Variants in NUMA1 observed in about 807,000 individuals in gnomAD.
NUMA1 encodes the protein nuclear mitotic apparatus protein 1.
A neutral mutation model predicts 237.1 loss-of-function variants in NUMA1; 62 were observed. The ratio of observed to expected loss-of-function variants is 0.26; its 90% CI spans 0.21 to 0.32. The LOEUF (loss-of-function observed/expected upper bound fraction) is 0.32, where lower values mean the gene tolerates loss of function less well. Ranked by LOEUF, NUMA1 falls within the 10% of genes least tolerant of loss-of-function variation. The pLI is 1.00. For missense variants in NUMA1, 2,533 were observed against 2,666.5 expected (o/e 0.95, Z 1.10); for synonymous variants, 1,028 against 1,066.1 (o/e 0.96, Z 0.70).
At chr11:72,043,359 T>G (rs1941811212) in intron 2 of NUMA1, among the ~76,000 whole-genome samples, 1 of 4,278 alleles carries the variant, frequency 2.3e-4, no homozygotes, top group African/African-American at 4.4e-4. Flanking sequence ...GCGGAGTTCT[T>G]TTTTTTTTTT....
chr11:72,046,169 A>C (rs59782279), intron 2 of NUMA1, among the ~76,000 whole-genome samples: 1 of 152,188 alleles, frequency 6.6e-6, no homozygotes, highest in Non-Finnish European at 1.5e-5. Context: ...CACAGCCTAG[A>C]CAGGCAGCAG....
chr11:72,036,945 A>G (rs1285725636), intron 2 of NUMA1, among the ~76,000 whole-genome samples: 1 of 152,170 alleles, frequency 6.6e-6, no homozygotes, highest in Admixed American at 6.5e-5. Context: ...ATTACTCTAG[A>G]AGGAGGAACA....
chr11:72,019,347 A>G (rs758079902), intron 9 of NUMA1, 147 bp downstream of exon 9: 6 of 1,064,712 alleles, frequency 5.6e-6, no homozygotes, highest in Non-Finnish European at 8.1e-6. Context: ...CCCCCAGTTA[A>G]TACTGGGTGA....
intron 2 of NUMA1, among the ~76,000 whole-genome samples, chr11:72,046,505 T>C (rs1006629834): frequency 6.6e-6 from 1 of 150,458 alleles, no homozygotes; most frequent in African/African-American, 2.5e-5. Context: ...GATCGTGCCA[T>C]TGCACTACAC....
chr11:72,061,490 T>C (rs7947060), intron 2 of NUMA1, among the ~76,000 whole-genome samples: 6 of 3,900 alleles, frequency 1.5e-3, no homozygotes, highest in East Asian at 4.5e-3. Context: ...CTTTTCTTTT[T>C]TTTTTTTTTT....
chr11:72,024,418 T>C, intron 4 of NUMA1, 65 bp from the exon 5 acceptor site: 1 of 1,335,880 alleles, frequency 7.5e-7, no homozygotes, highest in East Asian at 2.3e-5. Context: ...CTGCTGCATT[T>C]CATAGTACCT....
chr11:72,024,540 G>A (rs1939312001), intron 4 of NUMA1, 187 bp from the exon 5 acceptor site: 1 of 590,564 alleles, frequency 1.7e-6, no homozygotes, highest in African/African-American at 1.9e-5. Flanking sequence ...ACTGTGTGGT[G>A]GGTGGGAAGA....
chr11:72,022,963 A>G (rs550058286), intron 6 of NUMA1, 102 bp downstream of exon 6: 3 of 779,720 alleles, frequency 3.8e-6, no homozygotes, highest in Non-Finnish European at 6.6e-6. Flanking sequence ...GAAATAAAGC[A>G]CCCATCATCT....
chr11:72,003,076 C>T lies in NUMA1; in HGVS notation c.*451G>A, dbSNP rs1264106024. 1.7e-5 allele frequency: 4 copies of T among 240,934 alleles called. No homozygotes were observed. The highest frequency in any genetic ancestry group is 5.4e-5 in the Admixed American group (1 of 18,406). 14.9% of individuals were successfully genotyped at this position (240,934 alleles called of 1,614,324 possible). On this transcript the variant is annotated 3_prime_UTR_variant, in exon 27 of 27. Transcript: ENST00000393695. ...GAAAGAGCATCCTCTGGCAGGTGCT[C>T]CCACCAGGTCAGACCCAGTCCTGGA... is the stretch of plus-strand genomic sequence containing the variant.
At chr11:72,021,437 G>C (rs907186451) in intron 7 of NUMA1, 146 bp from the exon 8 acceptor site, 1 of 700,354 alleles carries the variant, frequency 1.4e-6, no homozygotes, top group African/African-American at 1.8e-5. Context: ...TCAGAGCTGA[G>C]GTCCTATGAC....
At chr11:72,044,496 C>G (rs1245053086) in intron 2 of NUMA1, among the ~76,000 whole-genome samples, 1 of 151,824 alleles carries the variant, frequency 6.6e-6, no homozygotes, top group Non-Finnish European at 1.5e-5. Flanking sequence ...TTCTTCCCAT[C>G]AGTCTGCCTC....
intron 2 of NUMA1, among the ~76,000 whole-genome samples, chr11:72,063,527 T>C (rs892214889): frequency 6.8e-6 from 1 of 148,120 alleles, no homozygotes; most frequent in Non-Finnish European, 1.5e-5. Flanking sequence ...CCTCCCAAAG[T>C]GCTGGTGCTA....
intron 3 of NUMA1, among the ~76,000 whole-genome samples, chr11:72,033,967 T>A (rs1565252259): frequency 6.6e-6 from 1 of 152,132 alleles, no homozygotes; most frequent in Non-Finnish European, 1.5e-5. Flanking sequence ...AAAAGTTTTT[T>A]AAAATTAGCA....
intron 2 of NUMA1, among the ~76,000 whole-genome samples, chr11:72,056,660 AGG>A (rs1942670671): frequency 1.2e-4 from 17 of 138,890 alleles, no homozygotes; most frequent in Admixed American, 1.5e-4. Flanking sequence ...AAAAAAAAAA[AGG>A]CAAGCCAAAC....
intron 2 of NUMA1, among the ~76,000 whole-genome samples, chr11:72,064,631 A>G (rs1235370145): frequency 1.3e-5 from 2 of 152,078 alleles, no homozygotes; most frequent in Non-Finnish European, 2.9e-5. Flanking sequence ...TCAGGAGTTC[A>G]AGACCAGCCT....
chr11:72,031,116 C>T (rs907613082), intron 3 of NUMA1, among the ~76,000 whole-genome samples: 1 of 151,812 alleles, frequency 6.6e-6, no homozygotes, highest in Non-Finnish European at 1.5e-5. Context: ...ATAACAATAC[C>T]TTGTCTCTAC....
Position 72,008,758 on chromosome 11 carries a change from G to A in NUMA1, c.5146C>T (p.Pro1716Ser). The stretch of plus-strand genomic sequence containing the variant: ...CTGTCAATACTCAAGTCCAGCTGGG[G>A]CTTAGCCTGGGGCTCACGGCTCTTT... ...ALKSREPQAK[P>S]QLDLSIDSLD... Residue 1716 changes from proline (P) to serine (S), a missense_variant, in exon 20 of 27, where the codon CCC (proline) becomes TCC (serine). Physicochemically the swap from Pro to Ser is moderately conservative, Grantham distance 74. Coordinates refer to ENST00000393695, the MANE Select transcript of NUMA1 (RefSeq NM_006185.4). 1.9e-6 allele frequency: 3 copies of A among 1,614,114 alleles called. No homozygotes were observed. The highest frequency in any genetic ancestry group is 2.5e-6 in the Non-Finnish European group (3 of 1,180,030).
chr11:72,018,998 C>T lies in NUMA1; in HGVS notation c.585-18G>A. On this transcript the variant is annotated intron_variant, in intron 9 of 26. Coordinates refer to ENST00000393695, the MANE Select transcript of NUMA1 (RefSeq NM_006185.4). ...AGAGAAAGCTGAGGAGGGAGAAGGCCCATATGCATTGGTAAGCGCCTAAGA... is the reference window on the plus strand; with the variant it reads ...AGAGAAAGCTGAGGAGGGAGAAGGCTCATATGCATTGGTAAGCGCCTAAGA... 3 of 1,612,732 alleles carry T rather than the reference C, an allele frequency of 1.9e-6. No homozygotes were observed. Among genetic ancestry groups the T allele is most frequent in the Non-Finnish European group, 2.5e-6 (3 of 1,179,740 alleles).
chr11:72,009,203 G>A lies in NUMA1; in HGVS notation c.4840-18C>T, dbSNP rs760722340. 1 of 521,360 alleles carries A rather than the reference G, an allele frequency of 1.9e-6. No individual in the cohort carries two copies. Among genetic ancestry groups the A allele is most frequent in the Non-Finnish European group, 3.5e-6 (1 of 286,366 alleles). The allele number at this position is 521,360 out of a possible 1,614,324, so 32.3% of individuals were successfully genotyped here. ...TTCTCCATCTGTGGGCAGAGAGGGT[G>A]GGTGGGTGGGGTAGAGGTTGAAGGG... is the stretch of plus-strand genomic sequence containing the variant. On this transcript the variant is annotated intron_variant, in intron 18 of 26. Coordinates refer to ENST00000393695, the MANE Select transcript of NUMA1 (RefSeq NM_006185.4).
Sources: gnomAD v4.1 joint callset for allele counts (sites outside exome capture counted in the v4.1 genomes callset) on GRCh38, gnomAD v4.1.1 for gene constraint, MANE v1.5 for transcripts, NCBI Gene and HGNC (gene_info 2026-07-23, HGNC 2026-07-21) for gene names.